LRBA: variants seen among roughly 807,000 people sequenced by gnomAD.
LRBA encodes lipopolysaccharide-responsive and beige-like anchor protein.
LRBA carries 176 observed loss-of-function variants against 330.0 expected under a neutral mutation model. The ratio of observed to expected loss-of-function variants is 0.53; its 90% confidence interval spans 0.47 to 0.60. LRBA has a LOEUF of 0.60. LRBA is among the 20% of genes least tolerant of loss of function. The pLI is 0.00. For synonymous variants in LRBA, 1,230 were observed against 1,193.0 expected (o/e 1.03, Z -0.64); for missense variants, 3,259 against 3,444.8 (o/e 0.95, Z 1.35).
intron 40 of LRBA, among the ~76,000 whole-genome samples, chr4:150,545,453 G>T (rs770815716): frequency 5.3e-5 from 8 of 151,654 alleles, no homozygotes; most frequent in Non-Finnish European, 8.8e-5. Flanking sequence ...TTTACTTATT[G>T]CACTTTAGAA....
At chr4:150,433,466 A>C (rs537316394) in intron 46 of LRBA, among the ~76,000 whole-genome samples, 1 of 152,308 alleles carries the variant, frequency 6.6e-6, no homozygotes, top group African/African-American at 2.4e-5. Context: ...AGAAAGCTGA[A>C]GATACCTACT....
intron 37 of LRBA, among the ~76,000 whole-genome samples, chr4:150,650,086 T>C (rs905973379): frequency 1.3e-5 from 2 of 152,196 alleles, no homozygotes; most frequent in African/African-American, 4.8e-5. Flanking sequence ...AGAATAGATA[T>C]TGTTTTCACT....
Position 150,806,298 on chromosome 4 carries a change from C to T in LRBA, c.5491G>A (p.Gly1831Arg), listed in dbSNP as rs761007166. ...GTTCCTTCTATAAGCAGTTCTTGTC[C>T]ATGGCTACCCAAAAGTGTCCGAGAA... The part of the protein sequence containing the change: ...FLSRTLLGSH[G>R]QELLIEGTSL... The change falls in exon 33 of 57, where the codon GGA becomes AGA. Residue 1831 changes from glycine (G) to arginine (R), a missense_variant. By Grantham distance (125) the Gly-to-Arg change is moderately radical. Coordinates refer to ENST00000651943, the MANE Select transcript of LRBA (RefSeq NM_001364905.1). The T allele has an allele frequency of 1.8e-5, 29 of 1,606,056 alleles. No individual in the cohort carries two copies. The highest frequency in any genetic ancestry group is 2.4e-5 in the Non-Finnish European group (28 of 1,176,454).
At chr4:150,780,903 G>A (rs1002513085) in intron 34 of LRBA, among the ~76,000 whole-genome samples, 10 of 151,662 alleles carry the variant, frequency 6.6e-5, no homozygotes, top group Admixed American at 2.0e-4. Flanking sequence ...ATTTTGAGAC[G>A]GAGTCTCGCT....
At chr4:150,738,309 G>C (rs1303897030) in intron 35 of LRBA, among the ~76,000 whole-genome samples, 2 of 152,056 alleles carry the variant, frequency 1.3e-5, no homozygotes, top group Non-Finnish European at 2.9e-5. Flanking sequence ...ACAGACTTAT[G>C]ACTAAAAATA....
intron 2 of LRBA, among the ~76,000 whole-genome samples, chr4:150,999,964 G>A (rs1579451928): frequency 6.6e-6 from 1 of 152,072 alleles, no homozygotes; most frequent in Non-Finnish European, 1.5e-5. Context: ...AATACCAAAT[G>A]CTATATACAC....
chr4:150,978,705 A>C lies in LRBA; in HGVS notation c.216+35722T>G, dbSNP rs534969966. On this transcript the variant is annotated intron_variant, in intron 2 of 56. Coordinates refer to ENST00000651943, the MANE Select transcript of LRBA (RefSeq NM_001364905.1). ...AAGATGAAATATTAAAAAAGAATCA[A>C]GCAGAAATTTGAGAATTGAAAAATG... is the stretch of plus-strand genomic sequence containing the variant. 3.0e-4 allele frequency among the ~76,000 whole-genome samples: 46 copies of C among 152,340 alleles called. No homozygotes were observed. The South Asian group carries it at 9.5e-3, about 32-fold the overall frequency.
intron 47 of LRBA, among the ~76,000 whole-genome samples, chr4:150,388,223 C>T (rs1035175404): frequency 6.6e-6 from 1 of 152,218 alleles, no homozygotes; most frequent in Non-Finnish European, 1.5e-5. Flanking sequence ...TCCGCCCTTA[C>T]GACCTCATTT....
intron 22 of LRBA, among the ~76,000 whole-genome samples, chr4:150,863,619 G>A (rs945067724): frequency 3.9e-5 from 6 of 152,126 alleles, no homozygotes; most frequent in African/African-American, 9.7e-5. Flanking sequence ...CCAAGATTGC[G>A]CCACTGCACT....
chr4:150,997,281 C>A (rs1189175479), intron 2 of LRBA, among the ~76,000 whole-genome samples: 1 of 152,122 alleles, frequency 6.6e-6, no homozygotes, highest in Non-Finnish European at 1.5e-5. Flanking sequence ...AATAAAGAAA[C>A]AGAGCAGTCC....
At chr4:150,539,691 GAAT>G (rs1407392873) in intron 40 of LRBA, among the ~76,000 whole-genome samples, 2 of 152,148 alleles carry the variant, frequency 1.3e-5, no homozygotes, top group African/African-American at 4.8e-5. Flanking sequence ...ACATATACCA[GAAT>G]ATTATACATT....
At chr4:150,362,948 T>C (rs1011682871) in intron 47 of LRBA, among the ~76,000 whole-genome samples, 1 of 151,794 alleles carries the variant, frequency 6.6e-6, no homozygotes, top group South Asian at 2.1e-4. Flanking sequence ...TGAATCCCCA[T>C]CTCTACTGAA....
At chr4:150,835,551 T>C (rs1024429972) in intron 28 of LRBA, among the ~76,000 whole-genome samples, 1 of 152,200 alleles carries the variant, frequency 6.6e-6, no homozygotes, top group Admixed American at 6.5e-5. Context: ...CTAGGTATTT[T>C]ATTTTTTTTG....
chr4:150,843,194 C>A (rs1253303412), intron 28 of LRBA, among the ~76,000 whole-genome samples: 2 of 151,808 alleles, frequency 1.3e-5, no homozygotes, highest in African/African-American at 2.4e-5. Flanking sequence ...ATGTTTAATA[C>A]ACAGTAAGTA....
intron 2 of LRBA, among the ~76,000 whole-genome samples, chr4:150,999,968 T>A (rs1340413763): frequency 6.6e-6 from 1 of 152,236 alleles, no homozygotes; most frequent in Non-Finnish European, 1.5e-5. Flanking sequence ...CCAAATGCTA[T>A]ATACACTATG....
At position 150,533,737 on chromosome 4, in the gene LRBA, T is replaced by A. The variant is rs530067231; in HGVS notation, c.6331-42702A>T. ...GATGAAAGCAGCTTCTTTCCCCCCA[T>A]TCCAGTGTGCTCAACTCATCGGGCT... On this transcript the variant is annotated intron_variant, in intron 40 of 56. Transcript: ENST00000651943. Among the ~76,000 whole-genome samples, 3 of 152,296 alleles carry A rather than the reference T, an allele frequency of 2.0e-5. No individual in the cohort carries two copies. In the South Asian group the frequency reaches 6.2e-4, roughly 32 times the overall value.
intron 38 of LRBA, among the ~76,000 whole-genome samples, chr4:150,593,458 G>C (rs1306568903): frequency 6.6e-6 from 1 of 152,168 alleles, no homozygotes; most frequent in Non-Finnish European, 1.5e-5. Context: ...TTGACAATTA[G>C]AGTCAGGATT....
intron 30 of LRBA, among the ~76,000 whole-genome samples, chr4:150,823,018 T>G (rs1010940934): frequency 3.9e-5 from 6 of 152,198 alleles, no homozygotes; most frequent in Non-Finnish European, 5.9e-5. Flanking sequence ...CCCATAGTGG[T>G]TGTAGTAATT....
intron 35 of LRBA, among the ~76,000 whole-genome samples, chr4:150,751,848 A>G (rs1733598847): frequency 6.6e-6 from 1 of 152,148 alleles, no homozygotes; most frequent in African/African-American, 2.4e-5. Context: ...TAACTACATT[A>G]CAGCCCATTG....
Sources: allele counts gnomAD v4.1 joint callset (sites outside exome capture counted in the v4.1 genomes callset), GRCh38; gene constraint gnomAD v4.1.1; transcripts MANE v1.5; gene names NCBI Gene and HGNC (gene_info 2026-07-23, HGNC 2026-07-21).